NECAB2: variants seen among roughly 807,000 people sequenced by gnomAD.
NECAB2 encodes the protein N-terminal EF-hand calcium-binding protein 2.
A neutral mutation model predicts 51.9 loss-of-function variants in NECAB2; 68 were observed. The ratio of observed to expected loss-of-function variants is 1.31; its 90% CI spans 1.08 to 1.60. NECAB2 has a LOEUF of 1.60. Among genes scored for constraint, NECAB2 ranks in the 40% most tolerant of loss-of-function variants. The pLI, the probability that NECAB2 is intolerant of heterozygous loss-of-function variation, is 0.00. For synonymous variants in NECAB2, 329 were observed against 203.5 expected, an observed-to-expected ratio of 1.62 and a Z score of -5.25; for missense variants, 854 against 490.3, an observed-to-expected ratio of 1.74 and a Z score of -7.00.
chr16:83,998,530 T>C lies in NECAB2; in HGVS notation c.962+213T>C, dbSNP rs75160088. Among the ~76,000 whole-genome samples, 583 of 152,254 alleles carry C rather than the reference T, an allele frequency of 3.8e-3. 4 individuals carry two copies. Among genetic ancestry groups the C allele is most frequent in the African/African-American group, 0.014 (564 of 41,534 alleles). On this transcript the variant is annotated intron_variant, in intron 10 of 12. Coordinates refer to ENST00000305202, the MANE Select transcript of NECAB2 (RefSeq NM_019065.3). ...GTGTCTTCATCTCCCTGGCATCAGC[T>C]TACTCATCTGTAAAGGGGGGACCAC...
intron 10 of NECAB2, among the ~76,000 whole-genome samples, chr16:83,999,080 T>C (rs952772059): frequency 2.6e-5 from 4 of 152,192 alleles, no homozygotes; most frequent in African/African-American, 9.7e-5. Context: ...GACATGGCTG[T>C]GAACCAGGCA....
intron 5 of NECAB2, among the ~76,000 whole-genome samples, chr16:83,984,616 A>G (rs1383986910): frequency 1.3e-5 from 2 of 151,990 alleles, no homozygotes; most frequent in South Asian, 2.1e-4. Context: ...TGTAGTTCCC[A>G]CCTTCTTGGG....
At chr16:83,966,660 C>G (rs2151081150), upstream of NECAB2, among the ~76,000 whole-genome samples, 1 of 152,338 alleles carries the variant, frequency 6.6e-6, no homozygotes, top group East Asian at 1.9e-4. Context: ...CTTTCAGTCC[C>G]TCCTGCTGGC....
chr16:83,968,494 C>A lies in NECAB2; in HGVS notation c.-155C>A, dbSNP rs1483292050. 20 of 489,228 alleles carry A rather than the reference C, an allele frequency of 4.1e-5. No individual in the cohort carries two copies. Among genetic ancestry groups the A allele is most frequent in the Non-Finnish European group, 4.7e-5 (18 of 380,180 alleles). 30.3% of individuals were successfully genotyped at this position (489,228 alleles called of 1,614,324 possible). A position where few individuals can be genotyped will look rare whatever the true frequency, so the allele number is the denominator to read the frequency against. Reference sequence around the variant, plus strand: ...CTCGGGGTCCGGCCGGCCCGCCCCCCGGCGCCGGCCAGTCCCCGCGGTGTC... The same window carrying A: ...CTCGGGGTCCGGCCGGCCCGCCCCCAGGCGCCGGCCAGTCCCCGCGGTGTC... On this transcript the variant is annotated 5_prime_UTR_variant, in exon 1 of 13. Transcript: ENST00000305202.
intron 8 of NECAB2, among the ~76,000 whole-genome samples, chr16:83,995,938 T>G (rs2084692012): frequency 6.6e-6 from 1 of 152,192 alleles, no homozygotes; most frequent in African/African-American, 2.4e-5. Context: ...AGCTTATTTT[T>G]AGAGCACCGT....
intron 9 of NECAB2, 25 bp downstream of exon 9, chr16:83,997,294 C>T (rs915685068): frequency 1.2e-6 from 2 of 1,613,852 alleles, no homozygotes; most frequent in African/African-American, 1.3e-5. Flanking sequence ...CACCTCTCTT[C>T]TGGGACCACA....
chr16:83,998,569 T>C (rs575846006), intron 10 of NECAB2, among the ~76,000 whole-genome samples: 1 of 152,282 alleles, frequency 6.6e-6, no homozygotes, highest in East Asian at 1.9e-4. Context: ...CAGGACTCCT[T>C]GCTGGGGTGA....
chr16:83,998,242 C>A lies in NECAB2; in HGVS notation c.887C>A (p.Pro296His), dbSNP rs757346636. Residue 296 changes from proline to histidine, a missense_variant, in exon 10 of 13, where the codon CCC (proline) becomes CAC (histidine). Transcript: ENST00000305202. ...QLVRQEMAVC[P>H]EQLSEFLDSL... ...GTCCGGCAGGAGATGGCCGTGTGCC[C>A]CGAGCAACTGAGCGAGTTTCTGGAC... is the stretch of plus-strand genomic sequence containing the variant. 6.2e-7 allele frequency: 1 copy of A among 1,612,442 alleles called. No homozygotes were observed. The highest frequency in any genetic ancestry group is 8.5e-7 in the Non-Finnish European group (1 of 1,180,016).
chr16:83,970,133 G>GGAA (rs2084332815), intron 1 of NECAB2, among the ~76,000 whole-genome samples: 1 of 152,174 alleles, frequency 6.6e-6, no homozygotes, highest in African/African-American at 2.4e-5. Context: ...TGCCCTGCAT[G>GGAA]GAAGCCCTGC....
intron 10 of NECAB2, among the ~76,000 whole-genome samples, chr16:83,999,545 C>A (rs937716650): frequency 6.6e-6 from 1 of 151,324 alleles, no homozygotes; most frequent in Non-Finnish European, 1.5e-5. Flanking sequence ...CCAGCCCGGC[C>A]CCTTCCTCTA....
intron 2 of NECAB2, 85 bp downstream of exon 2, chr16:83,972,260 C>G: frequency 6.3e-7 from 1 of 1,591,582 alleles, no homozygotes; most frequent in Non-Finnish European, 8.6e-7. Context: ...AGGAGACAAG[C>G]GCAACCTTGA....
upstream of NECAB2, among the ~76,000 whole-genome samples, chr16:83,967,261 A>T (rs1174038685): frequency 6.6e-6 from 1 of 151,958 alleles, no homozygotes; most frequent in Non-Finnish European, 1.5e-5. Flanking sequence ...GAGCTCTGGG[A>T]GACCAAGTAC....
At chr16:83,979,423 G>T (rs1299154367) in intron 3 of NECAB2, among the ~76,000 whole-genome samples, 1 of 152,176 alleles carries the variant, frequency 6.6e-6, no homozygotes, top group Non-Finnish European at 1.5e-5. Context: ...TGGACCAGAG[G>T]CTGCGGCTGA....
intron 6 of NECAB2, among the ~76,000 whole-genome samples, chr16:83,992,382 C>CCCT (rs1555548099): frequency 7.4e-6 from 1 of 134,306 alleles, no homozygotes; most frequent in African/African-American, 3.4e-5. Flanking sequence ...ACCCGTCCCC[C>CCCT]CGCCCACCTC....
At chr16:83,985,581 C>T (rs550371869) in intron 5 of NECAB2, among the ~76,000 whole-genome samples, 74 of 146,538 alleles carry the variant, frequency 5.0e-4, no homozygotes, top group Admixed American at 2.2e-3. Context: ...TGCAGTGAGC[C>T]GAGACTGCCC....
chr16:83,990,602 G>T lies in NECAB2; in HGVS notation c.568G>T (p.Ala190Ser). Residue 190 changes from alanine (A) to serine (S), a missense_variant, in exon 6 of 13, where the codon GCC (alanine) becomes TCC (serine). Transcript: ENST00000305202. ...LLSSVESAVE[A>S]IEEQTSQLRQ... ...GAGCTCAGTGGAGAGTGCGGTGGAG[G>T]CCATCGAGGAACAGACCAGCCAGCT... is the stretch of plus-strand genomic sequence containing the variant. The T allele has an allele frequency of 6.2e-7, 1 of 1,614,082 alleles. No homozygotes were observed. Among genetic ancestry groups the T allele is most frequent in the Non-Finnish European group, 8.5e-7 (1 of 1,180,020 alleles).
intron 6 of NECAB2, among the ~76,000 whole-genome samples, chr16:83,990,935 TA>T (rs2084616117): frequency 6.6e-6 from 1 of 152,214 alleles, no homozygotes; most frequent in South Asian, 2.1e-4. Context: ...ATCCACATGC[TA>T]ATTGTTTATG....
intron 5 of NECAB2, among the ~76,000 whole-genome samples, chr16:83,988,677 G>GCTCAT (rs1284610677): frequency 6.6e-6 from 1 of 152,180 alleles, no homozygotes; most frequent in African/African-American, 2.4e-5. Context: ...CAGAAAAGGT[G>GCTCAT]CTCATCTGGT....
At chr16:83,965,409 G>A (rs1375597203), upstream of NECAB2, 1 of 1,578,098 alleles carries the variant, frequency 6.3e-7, no homozygotes, top group Non-Finnish European at 8.6e-7. Flanking sequence ...ACAAGGGTGG[G>A]TGCGGTGACC....
Sources: allele counts gnomAD v4.1 joint callset (sites outside exome capture counted in the v4.1 genomes callset), GRCh38; gene constraint gnomAD v4.1.1; transcripts MANE v1.5; gene names NCBI Gene and HGNC (gene_info 2026-07-23, HGNC 2026-07-21).